Variants in PIK3C3 observed in about 807,000 individuals in gnomAD.
PIK3C3 encodes phosphatidylinositol 3-kinase catalytic subunit type 3.
A neutral mutation model predicts 126.1 loss-of-function variants in PIK3C3; 95 were observed. The observed-to-expected ratio is 0.75, with a 90% CI of 0.64 to 0.89. PIK3C3 has a LOEUF of 0.89. Ranked by LOEUF, PIK3C3 falls within the 40% of genes least tolerant of loss-of-function variation. PIK3C3 has a pLI of 0.00. For synonymous variants in PIK3C3, 374 were observed against 360.0 expected, an observed-to-expected ratio of 1.04 and a Z score of -0.44; for missense variants, 829 against 1,063.2, an observed-to-expected ratio of 0.78 and a Z score of 3.06.
intron 23 of PIK3C3, 55 bp downstream of exon 23, chr18:42,064,885 C>T (rs1985472067): frequency 1.1e-6 from 1 of 914,868 alleles, no homozygotes; most frequent in African/African-American, 1.6e-5. Context: ...TTCCATATTC[C>T]AGAATACAAC....
intron 10 of PIK3C3, among the ~76,000 whole-genome samples, chr18:42,006,680 T>C (rs1475245050): frequency 2.0e-5 from 3 of 152,142 alleles, no homozygotes; most frequent in Non-Finnish European, 4.4e-5. Flanking sequence ...ACTCTGTCAC[T>C]GTAGATCTGC....
intron 7 of PIK3C3, among the ~76,000 whole-genome samples, chr18:41,994,607 G>T (rs996228096): frequency 6.6e-6 from 1 of 152,022 alleles, no homozygotes; most frequent in Non-Finnish European, 1.5e-5. Flanking sequence ...TCTAGTATAT[G>T]ATATAGGTGG....
At chr18:42,002,095 A>G (rs1422355879) in intron 9 of PIK3C3, among the ~76,000 whole-genome samples, 1 of 152,200 alleles carries the variant, frequency 6.6e-6, no homozygotes. Context: ...GAAAAACATC[A>G]TTTAAATGAC....
At position 42,015,536 on chromosome 18, in the gene PIK3C3, A is replaced by G. The variant is rs1983035703; in HGVS notation, c.1386A>G (p.Thr462=). Residue 462 remains threonine (T), a synonymous_variant, in exon 12 of 25, where the codon ACA becomes ACG. Transcript: ENST00000262039. ...SVSSPPPASK[T]KEVPDGENLE... Reference sequence around the variant, plus strand: ...CTTCACCTCCTCCTGCATCAAAAACAAAAGAAGTTCCAGATGGCGAAAATC... The same window carrying G: ...CTTCACCTCCTCCTGCATCAAAAACGAAAGAAGTTCCAGATGGCGAAAATC... 2 of 1,613,794 alleles carry G rather than the reference A, an allele frequency of 1.2e-6. No individual in the cohort carries two copies. Among genetic ancestry groups the G allele is most frequent in the East Asian group, 4.5e-5 (2 of 44,848 alleles).
intron 21 of PIK3C3, among the ~76,000 whole-genome samples, chr18:42,052,176 T>C (rs544190124): frequency 6.6e-6 from 1 of 152,192 alleles, no homozygotes; most frequent in South Asian, 2.1e-4. Context: ...TGTGCGTATG[T>C]GTGTTTTGAT....
chr18:41,957,831 TTAG>T (rs1273015113), intron 2 of PIK3C3, 73 bp downstream of exon 2: 9 of 1,160,614 alleles, frequency 7.8e-6, no homozygotes, highest in African/African-American at 1.5e-5. Context: ...CAAGTATAAT[TTAG>T]TAGGATTATA....
At chr18:42,064,309 TC>T (rs1479524995) in intron 22 of PIK3C3, among the ~76,000 whole-genome samples, 2 of 152,272 alleles carry the variant, frequency 1.3e-5, no homozygotes, top group East Asian at 3.9e-4. Context: ...TGATTTTATT[TC>T]CCTTTCATTC....
At chr18:42,017,634 T>A (rs765273830) in intron 12 of PIK3C3, among the ~76,000 whole-genome samples, 12 of 152,118 alleles carry the variant, frequency 7.9e-5, no homozygotes, top group Non-Finnish European at 1.8e-4. Flanking sequence ...ATTAAGTAAA[T>A]AAATTGCATC....
At chr18:42,039,905 A>G (rs371279615) in intron 18 of PIK3C3, among the ~76,000 whole-genome samples, 3 of 152,324 alleles carry the variant, frequency 2.0e-5, no homozygotes, top group East Asian at 3.9e-4. Context: ...AGTGCCAACT[A>G]TTCTGTATTT....
intron 24 of PIK3C3, among the ~76,000 whole-genome samples, chr18:42,079,986 T>C (rs1379022448): frequency 9.0e-6 from 1 of 111,566 alleles, no homozygotes; most frequent in Non-Finnish European, 2.0e-5. Flanking sequence ...TGTGTGTGTA[T>C]GTAAGAGAGA....
intron 4 of PIK3C3, 124 bp from the exon 5 acceptor site, chr18:41,987,688 C>G (rs113837314): frequency 1.9e-6 from 1 of 524,452 alleles, no homozygotes; most frequent in East Asian, 3.3e-5. Flanking sequence ...CTGCTAATTG[C>G]GTATGGTTTC....
In PIK3C3 at chr18:42,081,130, G is replaced by A; in HGVS notation, c.2657G>A (p.Arg886Lys). ...TCTTTTTAATTTTTGTAGTACTGGAGAAAATGAAACTGGGATTGACCCATC... is the reference window on the plus strand; with the variant it reads ...TCTTTTTAATTTTTGTAGTACTGGAAAAAATGAAACTGGGATTGACCCATC... The part of the protein sequence containing the change: ...EQIHKFAQYW[R>K]K Residue 886 changes from arginine to lysine, a missense_variant, in exon 25 of 25, where the codon AGA becomes AAA. By Grantham distance (26) the Arg-to-Lys change is conservative. Transcript: ENST00000262039. 1 of 1,565,338 alleles carries A rather than the reference G, an allele frequency of 6.4e-7. No homozygotes were observed. Among genetic ancestry groups the A allele is most frequent in the Non-Finnish European group, 8.8e-7 (1 of 1,141,972 alleles).
At chr18:41,994,179 A>C (rs1446584929) in intron 7 of PIK3C3, among the ~76,000 whole-genome samples, 2 of 152,144 alleles carry the variant, frequency 1.3e-5, no homozygotes, top group East Asian at 3.9e-4. Context: ...TATCAAAGGA[A>C]GAGATGGGCA....
At chr18:41,974,543 T>C (rs1980820260) in intron 4 of PIK3C3, among the ~76,000 whole-genome samples, 1 of 152,034 alleles carries the variant, frequency 6.6e-6, no homozygotes, top group African/African-American at 2.4e-5. Flanking sequence ...TTAAATACAC[T>C]ATTACCCCCC....
intron 5 of PIK3C3, among the ~76,000 whole-genome samples, chr18:41,988,587 A>G (rs138771699): frequency 1.1e-3 from 170 of 152,300 alleles, no homozygotes; most frequent in Admixed American, 4.1e-3. Context: ...ATTTATAATG[A>G]CCATAAGGCA....
At chr18:42,011,625 G>T (rs563639479) in intron 10 of PIK3C3, among the ~76,000 whole-genome samples, 1 of 151,996 alleles carries the variant, frequency 6.6e-6, no homozygotes, top group African/African-American at 2.4e-5. Flanking sequence ...TTTCATTTGT[G>T]GTTCCCTGGA....
At chr18:42,020,364 T>C (rs568813713) in intron 12 of PIK3C3, among the ~76,000 whole-genome samples, 14 of 152,236 alleles carry the variant, frequency 9.2e-5, no homozygotes, top group Non-Finnish European at 1.6e-4. Flanking sequence ...ACCTAAATTA[T>C]TTCTATGACC....
intron 16 of PIK3C3, 77 bp from the exon 17 acceptor site, chr18:42,037,615 A>C: frequency 1.5e-6 from 2 of 1,312,420 alleles, no homozygotes; most frequent in Non-Finnish European, 2.1e-6. Flanking sequence ...TTATATATCA[A>C]CATTTTCTTG....
In PIK3C3 at chr18:42,065,533, C is replaced by G. The variant is rs575559119; in HGVS notation, c.2523+703C>G. Among the ~76,000 whole-genome samples the G allele has an allele frequency of 2.2e-4, 33 of 152,294 alleles. No individual in the cohort carries two copies. In the South Asian group the frequency reaches 6.6e-3, roughly 31 times the overall value. ...GAAGTCAGTAAACTTAAAGATAAAT[C>G]AATAGAAATTATTTAATTTACTTCC... is the stretch of plus-strand genomic sequence containing the variant. On this transcript the variant is annotated intron_variant, in intron 23 of 24. Coordinates refer to ENST00000262039, the MANE Select transcript of PIK3C3 (RefSeq NM_002647.4).
Sources: gnomAD v4.1 joint callset for allele counts (sites outside exome capture counted in the v4.1 genomes callset) on GRCh38, gnomAD v4.1.1 for gene constraint, MANE v1.5 for transcripts, NCBI Gene and HGNC (gene_info 2026-07-23, HGNC 2026-07-21) for gene names.